Variants in PC observed in about 807,000 individuals in gnomAD.
PC encodes pyruvate carboxylase, mitochondrial.
PC carries 46 observed loss-of-function variants against 107.8 expected under a neutral mutation model. That is an observed-to-expected ratio of 0.43 (90% CI 0.34 to 0.55). PC has a LOEUF of 0.55. PC is among the 20% of genes least tolerant of loss of function. PC has a pLI of 0.04. For missense variants in PC, 1,241 were observed against 1,643.1 expected (o/e 0.76, Z 4.23); for synonymous variants, 662 against 684.7 (o/e 0.97, Z 0.52).
intron 12 of PC, among the ~76,000 whole-genome samples, chr11:66,854,862 C>T (rs909504489): frequency 6.6e-6 from 1 of 152,240 alleles, no homozygotes; most frequent in Non-Finnish European, 1.5e-5. Flanking sequence ...AGCCTCGCCC[C>T]TGCCTCTCCT....
At chr11:66,864,877 G>A (rs943073375) in intron 11 of PC, among the ~76,000 whole-genome samples, 1 of 152,200 alleles carries the variant, frequency 6.6e-6, no homozygotes, top group Non-Finnish European at 1.5e-5. Flanking sequence ...GGGGAGTGGG[G>A]GGACCGCCCA....
At chr11:66,945,474 T>C (rs1340092688) in intron 3 of PC, among the ~76,000 whole-genome samples, 1 of 108,714 alleles carries the variant, frequency 9.2e-6, no homozygotes. Flanking sequence ...AAGACATTAG[T>C]AATGTGATAC....
In PC at chr11:66,852,923, G is replaced by A; in HGVS notation, c.1514-87C>T. 9.9e-7 allele frequency: 1 copy of A among 1,015,120 alleles called. No individual in the cohort carries two copies. The highest frequency in any genetic ancestry group is 2.5e-5 in the East Asian group (1 of 39,842). 62.9% of individuals were successfully genotyped at this position (1,015,120 alleles called of 1,614,324 possible). ...GTGAGAGTGGCTGGGCTCAGGGACA[G>A]GGACACATCCCTCCAGGATCCCCGG... is the stretch of plus-strand genomic sequence containing the variant. On this transcript the variant is annotated intron_variant, in intron 13 of 22. Coordinates refer to ENST00000393960, the MANE Select transcript of PC (RefSeq NM_001040716.2). The surrounding 1 kb of genome is among the most constrained non-coding windows in gnomAD (Gnocchi z 4.7).
chr11:66,865,384 G>A (rs567227122), intron 11 of PC, among the ~76,000 whole-genome samples: 39 of 152,404 alleles, frequency 2.6e-4, no homozygotes, highest in African/African-American at 9.4e-4. Context: ...TCAGGCCCCT[G>A]GATAGGGAGC....
At chr11:66,953,557 A>G (rs2278844) in intron 2 of PC, among the ~76,000 whole-genome samples, 23,640 of 152,182 alleles carry the variant, frequency 0.16, 2,112 homozygotes, top group African/African-American at 0.23. Context: ...ATGAACAGCA[A>G]AATGGAAAAA....
intron 11 of PC, among the ~76,000 whole-genome samples, chr11:66,864,280 CG>C (rs1946400901): frequency 6.6e-6 from 1 of 152,206 alleles, no homozygotes; most frequent in South Asian, 2.1e-4. Context: ...TCTATTCCCA[CG>C]GACCTGCTGC....
chr11:66,853,243 G>T lies in PC; in HGVS notation c.1509C>A (p.Tyr503Ter), dbSNP rs1402291331. The T allele has an allele frequency of 6.2e-7, 1 of 1,613,874 alleles. No homozygotes were observed. Among genetic ancestry groups the T allele is most frequent in the Non-Finnish European group, 8.5e-7 (1 of 1,179,982 alleles). ...AQNRAQKLLH[Y>*]LGHVMVNGPT... The stretch of plus-strand genomic sequence containing the variant: ...CAGGGCAGTCTCGGGCCAGACCGAG[G>T]TAGTGCAACAGCTTTTGGGCCCGGT... The change falls in exon 13 of 23, where the codon TAC becomes TAA. Residue 503 changes from tyrosine (Y) to a stop codon, truncating the protein, a stop_gained. Coordinates refer to ENST00000393960, the MANE Select transcript of PC (RefSeq NM_001040716.2). LOFTEE classifies it high-confidence loss of function.
At chr11:66,944,109 G>C (rs1490189038) in intron 3 of PC, among the ~76,000 whole-genome samples, 1 of 112,534 alleles carries the variant, frequency 8.9e-6, no homozygotes, top group African/African-American at 3.2e-5. Flanking sequence ...GTGAAACTCC[G>C]TCTCCAATAA....
At chr11:66,948,223 A>T (rs540881970) in intron 3 of PC, among the ~76,000 whole-genome samples, 18 of 152,074 alleles carry the variant, frequency 1.2e-4, no homozygotes, top group African/African-American at 4.3e-4. Flanking sequence ...AAAAAAAAGA[A>T]GGAAATGAAC....
At chr11:66,933,948 C>T (rs1948927866) in intron 3 of PC, among the ~76,000 whole-genome samples, 1 of 152,140 alleles carries the variant, frequency 6.6e-6, no homozygotes, top group South Asian at 2.1e-4. Flanking sequence ...CTCACTACGC[C>T]CCACCAGCAC....
chr11:66,870,475 G>T lies in PC; in HGVS notation c.752-22C>A. On this transcript the variant is annotated intron_variant, in intron 8 of 22. Transcript: ENST00000393960. This position sits in a 1 kb window ranked among gnomAD's most constrained non-coding sequence, Gnocchi z 6.1. ...TCCCCTGGGGAGGGAGGTAAACTGG[G>T]CTTAGCTTTTACTGGAATCTACACG... 1 of 1,611,342 alleles carries T rather than the reference G, an allele frequency of 6.2e-7. No homozygotes were observed. Among genetic ancestry groups the T allele is most frequent in the Non-Finnish European group, 8.5e-7 (1 of 1,179,720 alleles).
intron 3 of PC, among the ~76,000 whole-genome samples, chr11:66,949,889 G>C (rs927214305): frequency 1.3e-5 from 2 of 152,052 alleles, no homozygotes; most frequent in African/African-American, 2.4e-5. Flanking sequence ...TAAAAATCCA[G>C]GGGTAGGAGT....
Position 66,864,348 on chromosome 11 carries a change from G to A in PC, c.1186-392C>T, listed in dbSNP as rs1055768951. On this transcript the variant is annotated intron_variant, in intron 11 of 22. Coordinates refer to ENST00000393960, the MANE Select transcript of PC (RefSeq NM_001040716.2). The stretch of plus-strand genomic sequence containing the variant: ...CTCATCCACGTTCGTTCCACAGCAC[G>A]GATTGAGGTCTGCTGACCCGGCCGC... Among the ~76,000 whole-genome samples, 8 of 152,386 alleles carry A rather than the reference G, an allele frequency of 5.2e-5. No individual in the cohort carries two copies. The South Asian group carries it at 1.7e-3, about 32-fold the overall frequency.
chr11:66,903,050 G>A (rs372982348), intron 3 of PC, among the ~76,000 whole-genome samples: 1 of 152,198 alleles, frequency 6.6e-6, no homozygotes, highest in African/African-American at 2.4e-5. Context: ...ACATTAGCAG[G>A]GGGGTGTTCA....
chr11:66,879,685 G>A (rs1002310130), intron 3 of PC, among the ~76,000 whole-genome samples: 2 of 152,204 alleles, frequency 1.3e-5, no homozygotes, highest in East Asian at 1.9e-4. Context: ...GCAGGGAGGC[G>A]GGAGGTTGGG....
intron 3 of PC, among the ~76,000 whole-genome samples, chr11:66,916,041 T>C (rs369240552): frequency 1.1e-4 from 16 of 152,156 alleles, no homozygotes; most frequent in African/African-American, 3.4e-4. Context: ...ACTGTGTTTC[T>C]TTCAGCCACT....
chr11:66,851,421 A>G, intron 16 of PC, 141 bp from the exon 17 acceptor site: 3 of 1,281,438 alleles, frequency 2.3e-6, no homozygotes, highest in Non-Finnish European at 3.3e-6. Context: ...TGGCATCCAC[A>G]GGCGGGGGGT....
In PC at chr11:66,852,937, C is replaced by T; in HGVS notation, c.1514-101G>A. ...GCTCAGGGACAGGGACACATCCCTC[C>T]AGGATCCCCGGGCTTCCAGCTGGCC... On this transcript the variant is annotated intron_variant, in intron 13 of 22. Transcript: ENST00000393960. The surrounding 1 kb of genome is among the most constrained non-coding windows in gnomAD (Gnocchi z 4.7). 2 of 935,032 alleles carry T rather than the reference C, an allele frequency of 2.1e-6. No individual in the cohort carries two copies. Among genetic ancestry groups the T allele is most frequent in the Non-Finnish European group, 3.2e-6 (2 of 627,758 alleles). The allele number at this position is 935,032 out of a possible 1,614,324, so 57.9% of individuals were successfully genotyped here. A position where few individuals can be genotyped will look rare whatever the true frequency, so the allele number is the denominator to read the frequency against.
intron 3 of PC, among the ~76,000 whole-genome samples, chr11:66,888,084 C>G (rs1251174072): frequency 6.6e-6 from 1 of 152,230 alleles, no homozygotes; most frequent in Non-Finnish European, 1.5e-5. Context: ...CCGGGATCAC[C>G]TTTCCAGGTC....
Sources: gnomAD v4.1 joint callset for allele counts (sites outside exome capture counted in the v4.1 genomes callset) on GRCh38, gnomAD v4.1.1 for gene constraint, Gnocchi (gnomAD v3.1) non-coding constraint, MANE v1.5 for transcripts, NCBI Gene and HGNC (gene_info 2026-07-23, HGNC 2026-07-21) for gene names.